Variants in DYSF observed in about 807,000 individuals in gnomAD.
The protein encoded by DYSF is dystrophy-associated fer-1-like 1.
Under a neutral mutation model 274.9 loss-of-function variants are expected in DYSF, and 212 were observed. The observed-to-expected ratio is 0.77, with a 90% confidence interval of 0.69 to 0.86. DYSF has a LOEUF of 0.86. DYSF is among the 40% of genes least tolerant of loss of function. The pLI, the probability that DYSF is intolerant of heterozygous loss-of-function variation, is 0.00. For synonymous variants in DYSF, 1,091 were observed against 1,078.7 expected, an observed-to-expected ratio of 1.01 and a Z score of -0.22; for missense variants, 2,666 against 2,783.2, an observed-to-expected ratio of 0.96 and a Z score of 0.95.
At chr2:71,681,215 G>T in intron 54 of DYSF, 105 bp downstream of exon 54, 1 of 1,094,882 alleles carries the variant, frequency 9.1e-7, no homozygotes. Context: ...CAAAGCCCAC[G>T]TGGCTCAGAG....
chr2:71,626,362 G>A (rs535210810), intron 41 of DYSF, among the ~76,000 whole-genome samples: 3 of 150,990 alleles, frequency 2.0e-5, no homozygotes, highest in East Asian at 1.9e-4. Context: ...AGTATCCATC[G>A]AAGTGATCAT....
At chr2:71,480,050 CA>C (rs2082757737) in intron 1 of DYSF, among the ~76,000 whole-genome samples, 2 of 152,172 alleles carry the variant, frequency 1.3e-5, no homozygotes, top group African/African-American at 4.8e-5. Flanking sequence ...ACCCTATACC[CA>C]TTAATCAATC....
intron 20 of DYSF, 108 bp from the exon 21 acceptor site, chr2:71,553,699 C>T (rs2091124373): frequency 1.6e-6 from 2 of 1,223,082 alleles, no homozygotes; most frequent in African/African-American, 1.5e-5. Context: ...CCTTTCCCAG[C>T]TCTGCCAGTC....
chr2:71,634,694 C>T (rs1192540878), intron 41 of DYSF, among the ~76,000 whole-genome samples: 1 of 152,154 alleles, frequency 6.6e-6, no homozygotes, highest in Non-Finnish European at 1.5e-5. Flanking sequence ...TAGGTTTAAA[C>T]TTAGGCAGTC....
intron 22 of DYSF, among the ~76,000 whole-genome samples, chr2:71,560,714 T>G (rs991254441): frequency 5.3e-5 from 8 of 152,146 alleles, no homozygotes; most frequent in Non-Finnish European, 1.5e-5. Flanking sequence ...TGGTTCTGCA[T>G]AGCTCGGGGA....
Position 71,502,568 on chromosome 2 carries a change from C to T in DYSF, c.240-646C>T, listed in dbSNP as rs111608167. Reference sequence around the variant, plus strand: ...TTTGAAGGGAGCATGTGCCAACCATCGCGCTGCTGACCTACTCTTTCCTAA... The same window carrying T: ...TTTGAAGGGAGCATGTGCCAACCATTGCGCTGCTGACCTACTCTTTCCTAA... On this transcript the variant is annotated intron_variant, in intron 3 of 55. Transcript: ENST00000410020. 4.6e-5 allele frequency among the ~76,000 whole-genome samples: 7 copies of T among 152,268 alleles called. No homozygotes were observed. The South Asian group carries it at 8.3e-4, about 18-fold the overall frequency.
At chr2:71,523,510 T>C (rs901968311) in intron 12 of DYSF, among the ~76,000 whole-genome samples, 1 of 151,548 alleles carries the variant, frequency 6.6e-6, no homozygotes, top group East Asian at 1.9e-4. Flanking sequence ...TCTTACGTTA[T>C]ACTTCACCTA....
upstream of DYSF, among the ~76,000 whole-genome samples, chr2:71,463,959 G>A (rs1349794196): frequency 6.6e-6 from 1 of 152,206 alleles, no homozygotes; most frequent in East Asian, 1.9e-4. Flanking sequence ...GGGGAGAAGA[G>A]AAGGGTAGAG....
At chr2:71,590,113 C>T in intron 31 of DYSF, 98 bp from the exon 32 acceptor site, 2 of 1,208,104 alleles carry the variant, frequency 1.7e-6, no homozygotes, top group Non-Finnish European at 2.5e-6. Flanking sequence ...CCTCTGTCTG[C>T]TGCCCTTTCT....
intron 30 of DYSF, chr2:71,588,599 G>A (rs1396847132): frequency 6.6e-6 from 1 of 152,396 alleles, no homozygotes; most frequent in Non-Finnish European, 1.5e-5. Context: ...GGCCGTCTGA[G>A]GAAGAGGCCA....
chr2:71,490,159 A>T (rs4482508), intron 3 of DYSF, among the ~76,000 whole-genome samples: 120,306 of 152,064 alleles, frequency 0.79, 47,847 homozygotes, highest in African/African-American at 0.86. Flanking sequence ...GCATTTTTTT[A>T]AATTTAAAAC....
intron 52 of DYSF, among the ~76,000 whole-genome samples, chr2:71,674,778 G>A (rs2095192229): frequency 6.6e-6 from 1 of 152,190 alleles, no homozygotes; most frequent in Non-Finnish European, 1.5e-5. Flanking sequence ...CTGGGACTGG[G>A]GAGCAGGGAG....
chr2:71,618,348 GGGGTGTGTGT>G (rs2093977849), intron 40 of DYSF, among the ~76,000 whole-genome samples: 1 of 17,652 alleles, frequency 5.7e-5, no homozygotes, highest in Non-Finnish European at 1.1e-4. Context: ...GTGTGGTAGA[GGGGTGTGTGT>G]GTGGTAGAGG....
At chr2:71,474,415 C>T (rs2082253494) in intron 1 of DYSF, among the ~76,000 whole-genome samples, 1 of 152,220 alleles carries the variant, frequency 6.6e-6, no homozygotes, top group African/African-American at 2.4e-5. Context: ...CCAGCATAAG[C>T]TGTGAGCTCT....
intron 40 of DYSF, among the ~76,000 whole-genome samples, chr2:71,618,594 T>TTTGTGTGG (rs2094001278): frequency 1.7e-5 from 1 of 58,614 alleles, no homozygotes; most frequent in Non-Finnish European, 4.4e-5. Flanking sequence ...TGTGTGTGTG[T>TTTGTGTGG]GGTAGAGGTG....
chr2:71,597,685 G>A (rs888139016), intron 32 of DYSF, among the ~76,000 whole-genome samples: 4 of 152,164 alleles, frequency 2.6e-5, no homozygotes, highest in African/African-American at 7.2e-5. Flanking sequence ...AATGAGTTGT[G>A]GCTGGGTCCC....
rs70959240 is a variant in DYSF, at chr2:71,519,092, C to CAAAAAAA, written c.1003-1062_1003-1056dup. On this transcript the variant is annotated intron_variant, in intron 10 of 55. Coordinates refer to ENST00000410020, the MANE Select transcript of DYSF (RefSeq NM_001130987.2). ...TGGATGACAGAGCGACACTCCATCT[C>CAAAAAAA]AAAAAAAAAAAAAAAAAAAAAAAAA... Among the ~76,000 whole-genome samples, 9 of 59,728 alleles carry CAAAAAAA rather than the reference C, an allele frequency of 1.5e-4. 1 individual carries two copies. The highest frequency in any genetic ancestry group is 2.0e-4 in the Non-Finnish European group (7 of 35,028). 39.2% of individuals were successfully genotyped at this position (59,728 alleles called of 152,430 possible).
At chr2:71,569,963 G>C in intron 27 of DYSF, 29 bp downstream of exon 27, 1 of 1,603,172 alleles carries the variant, frequency 6.2e-7, no homozygotes, top group Non-Finnish European at 8.5e-7. Context: ...GGCAGGTGGG[G>C]TCTAGACATT....
chr2:71,645,201 C>G (rs1241845966), intron 42 of DYSF, among the ~76,000 whole-genome samples: 1 of 152,202 alleles, frequency 6.6e-6, no homozygotes, highest in Non-Finnish European at 1.5e-5. Context: ...GGTTTCTTGC[C>G]TTGGTGTACT....
Sources: allele counts gnomAD v4.1 joint callset (sites outside exome capture counted in the v4.1 genomes callset), GRCh38; gene constraint gnomAD v4.1.1; transcripts MANE v1.5; gene names NCBI Gene and HGNC (gene_info 2026-07-23, HGNC 2026-07-21).